AIFM1: variants seen among roughly 807,000 people sequenced by gnomAD.
AIFM1 encodes the protein apoptosis inducing factor mitochondria associated 1, also known as apoptosis-inducing factor 1, mitochondrial.
In AIFM1, 3 loss-of-function variants were observed where a neutral mutation model predicts 51.7. That is an observed-to-expected ratio of 0.06 (90% CI 0.03 to 0.15). The LOEUF is 0.15. Ranked by LOEUF, AIFM1 falls within the 10% of genes least tolerant of loss-of-function variation. AIFM1 has a pLI of 1.00. For missense variants in AIFM1, 330 were observed against 476.8 expected (o/e 0.69, Z 2.87); for synonymous variants, 178 against 179.4 (o/e 0.99, Z 0.06).
chrX:130,164,167 C>CAA (rs141655412), intron 1 of AIFM1, among the ~76,000 whole-genome samples: 6 of 74,845 alleles, frequency 8.0e-5, no homozygotes, highest in African/African-American at 1.3e-4. Flanking sequence ...GACTCCGTCT[C>CAA]AAAAAAAAAA....
chrX:130,160,510 T>C (rs1008469087), intron 1 of AIFM1, among the ~76,000 whole-genome samples: 4 of 112,263 alleles, frequency 3.6e-5, no homozygotes, highest in Non-Finnish European at 3.8e-5. Context: ...TCAATAAATA[T>C]TTGTTGAATT....
chrX:130,134,474 A>G (rs2030244393), intron 12 of AIFM1, among the ~76,000 whole-genome samples: 1 of 110,937 alleles, frequency 9.0e-6, no homozygotes, highest in Non-Finnish European at 1.9e-5. Flanking sequence ...TCATTCGACA[A>G]ATATTTATGG....
chrX:130,131,515 C>T (rs2030078544), intron 14 of AIFM1, among the ~76,000 whole-genome samples, 160 bp downstream of exon 14: 1 of 111,858 alleles, frequency 8.9e-6, no homozygotes. Context: ...TCTCAGACCA[C>T]TAAAGAGTGA....
intron 5 of AIFM1, among the ~76,000 whole-genome samples, chrX:130,147,191 C>T (rs1027202653): frequency 6.3e-5 from 7 of 111,722 alleles, no homozygotes; most frequent in African/African-American, 2.0e-4. Flanking sequence ...AAAGAAGTGA[C>T]AATACAGGCC....
chrX:130,143,526 G>A (rs966347779), intron 6 of AIFM1, among the ~76,000 whole-genome samples: 3 of 110,869 alleles, frequency 2.7e-5, no homozygotes, highest in African/African-American at 6.6e-5. Flanking sequence ...TGCCTCAAGT[G>A]TGTTCCCTAC....
rs187647260 is a variant in AIFM1, at chrX:130,159,838, T to C, written c.107-3235A>G. On this transcript the variant is annotated intron_variant, in intron 1 of 15. Transcript: ENST00000287295. ...TTAAAAGTAAATGGACTTTTTTTTT[T>C]TGAGACAGGGTCTCACTCTGTCCCC... is the stretch of plus-strand genomic sequence containing the variant. Among the ~76,000 whole-genome samples the C allele has an allele frequency of 4.5e-3, 495 of 109,111 alleles. 3 individuals are homozygous for C. Among genetic ancestry groups the C allele is most frequent in the African/African-American group, 0.016 (466 of 29,986 alleles). The allele number at this position is 109,111 out of a possible 115,157, so 94.7% of individuals were successfully genotyped here. A position where few individuals can be genotyped will look rare whatever the true frequency, so the allele number is the denominator to read the frequency against.
intron 2 of AIFM1, among the ~76,000 whole-genome samples, chrX:130,150,326 C>CTTTTTT (rs755785211): frequency 6.5e-5 from 4 of 61,649 alleles, no homozygotes; most frequent in Non-Finnish European, 1.2e-4. Flanking sequence ...TTATTGGAGA[C>CTTTTTT]TTTTTTTTTT....
chrX:130,146,978 G>A (rs1353592835), intron 5 of AIFM1, among the ~76,000 whole-genome samples: 1 of 111,549 alleles, frequency 9.0e-6, no homozygotes, highest in Admixed American at 9.5e-5. Flanking sequence ...TGGCCAATGT[G>A]ATAAAACCCC....
chrX:130,150,959 T>C (rs1299756679), intron 2 of AIFM1, among the ~76,000 whole-genome samples: 62 of 69,695 alleles, frequency 8.9e-4, no homozygotes, highest in African/African-American at 1.8e-3. Flanking sequence ...GCCTGGGCGA[T>C]AGAGTGAGAC....
chrX:130,165,709 C>CGACG lies in AIFM1; in HGVS notation c.-57_-54dup. The CGACG allele has an allele frequency of 9.6e-7, 1 of 1,043,607 alleles. No individual in the cohort carries two copies. 86.0% of individuals were successfully genotyped at this position (1,043,607 alleles called of 1,213,427 possible). ...CCTTCCCTTTCCTCTCACGCACGAC[C>CGACG]GACGGGTCAAACACCGTGAGCCCCG... On this transcript the variant is annotated 5_prime_UTR_variant, in exon 1 of 16. Coordinates refer to ENST00000287295, the MANE Select transcript of AIFM1 (RefSeq NM_004208.4).
rs1603218953 is a variant in AIFM1, at chrX:130,130,146, T to C, written c.1594A>G (p.Ser532Gly). 1.7e-6 allele frequency: 2 copies of C among 1,210,024 alleles called. No individual in the cohort carries two copies. The highest frequency in any genetic ancestry group is 2.2e-6 in the Non-Finnish European group (2 of 895,250). Residue 532 changes from serine to glycine, a missense_variant, in exon 15 of 16, where the codon AGT (serine) becomes GGT (glycine). Around this residue, in one of 4 missense-constraint regions of AIFM1, gnomAD observed 56 missense variants for 48.8 expected, o/e 1.15. Transcript: ENST00000287295. Reference protein sequence around the residue: ...EQSGTGIRSESETESEASEIT... With the variant: ...EQSGTGIRSEGETESEASEIT... ...TCTGAGGCCTCGGACTCTGTCTCAC[T>C]CTCTGATCGGATACCAGTTCCTGTG...
At chrX:130,153,352 CAAAAA>C (rs35771131) in intron 2 of AIFM1, among the ~76,000 whole-genome samples, 1 of 42,860 alleles carries the variant, frequency 2.3e-5, no homozygotes, top group African/African-American at 9.7e-5. Flanking sequence ...GACTCCGTTT[CAAAAA>C]AAAAAAAAAA....
intron 1 of AIFM1, among the ~76,000 whole-genome samples, chrX:130,165,248 G>A (rs2031489697): frequency 1.3e-5 from 1 of 79,618 alleles, no homozygotes; most frequent in South Asian, 1.0e-3. Flanking sequence ...AAAAAGGGGG[G>A]TGGGGGGTGG....
chrX:130,161,513 G>GAAA (rs777227605), intron 1 of AIFM1, among the ~76,000 whole-genome samples: 2 of 60,919 alleles, frequency 3.3e-5, no homozygotes, highest in Non-Finnish European at 3.2e-5. Flanking sequence ...TCTGTTTGAA[G>GAAA]AAAAAAAAAA....
intron 2 of AIFM1, among the ~76,000 whole-genome samples, chrX:130,154,969 G>T (rs1406802048): frequency 8.9e-6 from 1 of 112,334 alleles, no homozygotes; most frequent in Non-Finnish European, 1.9e-5. Context: ...GCTATATCTG[G>T]TAGGACTTCA....
intron 2 of AIFM1, 127 bp downstream of exon 2, chrX:130,156,334 G>T: frequency 1.1e-6 from 1 of 912,005 alleles, no homozygotes. Flanking sequence ...TTAAGAGAAG[G>T]CTTTTTGAAA....
chrX:130,140,358 G>A (rs932867438), intron 7 of AIFM1, among the ~76,000 whole-genome samples, 175 bp downstream of exon 7: 5 of 112,166 alleles, frequency 4.5e-5, no homozygotes, highest in African/African-American at 1.6e-4. Flanking sequence ...CATCCAGAAG[G>A]GCTGGTGATC....
chrX:130,165,723 C>T lies in AIFM1; in HGVS notation c.-67G>A. 1 of 922,636 alleles carries T rather than the reference C, an allele frequency of 1.1e-6. No individual in the cohort carries two copies. The highest frequency in any genetic ancestry group is 2.1e-5 in the South Asian group (1 of 47,753). The allele number at this position is 922,636 out of a possible 1,213,427, so 76.0% of individuals were successfully genotyped here. A position where few individuals can be genotyped will look rare whatever the true frequency, so the allele number is the denominator to read the frequency against. ...TCACGCACGACCGACGGGTCAAACA[C>T]CGTGAGCCCCGGCCAGCTCCCCCAG... On this transcript the variant is annotated 5_prime_UTR_variant, in exon 1 of 16. It adds an upstream start codon to the 5' untranslated region. Coordinates refer to ENST00000287295, the MANE Select transcript of AIFM1 (RefSeq NM_004208.4).
At chrX:130,151,376 T>G (rs1174116954) in intron 2 of AIFM1, among the ~76,000 whole-genome samples, 1 of 111,129 alleles carries the variant, frequency 9.0e-6, no homozygotes, top group Non-Finnish European at 1.9e-5. Context: ...CCTGACCTTG[T>G]GATCCACCCA....
Sources: gnomAD v4.1 joint callset for allele counts (sites outside exome capture counted in the v4.1 genomes callset) on GRCh38, gnomAD v4.1.1 for gene constraint, gnomAD v4.1.1 regional missense constraint, MANE v1.5 for transcripts, NCBI Gene and HGNC (gene_info 2026-07-23, HGNC 2026-07-21) for gene names.